IGSF5: variants seen among roughly 807,000 people sequenced by gnomAD.
IGSF5 encodes immunoglobulin superfamily member 5.
Under a neutral mutation model 39.4 loss-of-function variants are expected in IGSF5, and 41 were observed. The ratio of observed to expected loss-of-function variants is 1.04; its 90% confidence interval spans 0.81 to 1.35. The LOEUF (loss-of-function observed/expected upper bound fraction) is 1.35, where lower values mean the gene tolerates loss of function less well. Among genes scored for constraint, IGSF5 ranks in the 40% most tolerant of loss-of-function variants. IGSF5 has a pLI of 0.00. For missense variants in IGSF5, 487 were observed against 494.6 expected (o/e 0.98, Z 0.15); for synonymous variants, 183 against 175.3 (o/e 1.04, Z -0.34).
In IGSF5 at chr21:39,745,352, G is replaced by C; in HGVS notation, c.-158G>C. 5.3e-6 allele frequency: 3 copies of C among 565,276 alleles called. No homozygotes were observed. Among genetic ancestry groups the C allele is most frequent in the Non-Finnish European group, 9.5e-6 (3 of 314,348 alleles). 35.0% of individuals were successfully genotyped at this position (565,276 alleles called of 1,614,324 possible). On this transcript the variant is annotated 5_prime_UTR_variant, in exon 1 of 9. Coordinates refer to ENST00000380588, the MANE Select transcript of IGSF5 (RefSeq NM_001080444.2). ...CCTAGGTGCCTGAGGACGCAGCGTA[G>C]GGCTTCCTTAGATCCCTTTGGAGAT...
At chr21:39,740,350 G>A (rs185097313), upstream of IGSF5, among the ~76,000 whole-genome samples, 173 of 152,166 alleles carry the variant, frequency 1.1e-3, 4 homozygotes, top group East Asian at 0.03. Context: ...GTTTCTGTAC[G>A]GCCAATAATA....
At chr21:39,728,041 A>G in the IGSF5 span, 1 of 152,132 alleles carries the variant, frequency 6.6e-6, no homozygotes, top group Admixed American at 6.5e-5. Flanking sequence ...ACTGTTCTAG[A>G]GCCTTCTGTG....
intron 2 of IGSF5, among the ~76,000 whole-genome samples, chr21:39,751,013 C>A (rs143291498): frequency 6.6e-6 from 1 of 152,332 alleles, no homozygotes; most frequent in Non-Finnish European, 1.5e-5. Flanking sequence ...CCTCTGCGTT[C>A]CCAGCCCGGG....
the IGSF5 span, among the ~76,000 whole-genome samples, chr21:39,724,685 G>A: frequency 6.6e-6 from 1 of 152,210 alleles, no homozygotes; most frequent in African/African-American, 2.4e-5. Flanking sequence ...TCTTGTGTAT[G>A]TCTTTTATCA....
At chr21:39,766,242 T>C (rs2080087117) in intron 3 of IGSF5, among the ~76,000 whole-genome samples, 1 of 152,220 alleles carries the variant, frequency 6.6e-6, no homozygotes, top group African/African-American at 2.4e-5. Flanking sequence ...CTTTCCTTTT[T>C]TCTGGTTAAG....
At chr21:39,732,796 C>G in the IGSF5 span, among the ~76,000 whole-genome samples, 1 of 152,098 alleles carries the variant, frequency 6.6e-6, no homozygotes, top group Non-Finnish European at 1.5e-5. Flanking sequence ...GAGGCTGAAG[C>G]AGGTGGATTG....
chr21:39,782,545 C>A (rs561531158), intron 5 of IGSF5, among the ~76,000 whole-genome samples: 1 of 152,114 alleles, frequency 6.6e-6, no homozygotes, highest in Non-Finnish European at 1.5e-5. Flanking sequence ...CTGGCAACCA[C>A]GATTCTACTT....
At position 39,773,580 on chromosome 21, in the gene IGSF5, G is replaced by C. The variant is rs368840247; in HGVS notation, c.718+2365G>C. On this transcript the variant is annotated intron_variant, in intron 4 of 8. Coordinates refer to ENST00000380588, the MANE Select transcript of IGSF5 (RefSeq NM_001080444.2). ...TTGACACCCAGATTGCTCCAGACTT[G>C]GTCAGTTGGTGTCCCTCCAAGCTGG... is the stretch of plus-strand genomic sequence containing the variant. 1.3e-3 allele frequency among the ~76,000 whole-genome samples: 199 copies of C among 150,884 alleles called. 1 individual carries two copies. In the South Asian group the frequency reaches 0.017, roughly 13 times the overall value.
At chr21:39,769,489 A>G (rs57315646) in intron 3 of IGSF5, among the ~76,000 whole-genome samples, 5,526 of 150,352 alleles carry the variant, frequency 0.037, 350 homozygotes, top group African/African-American at 0.13. Flanking sequence ...AAAAAAAAAA[A>G]AAGAGAAAAG....
chr21:39,749,337 C>T lies in IGSF5; in HGVS notation c.100+3039C>T, dbSNP rs141226452. On this transcript the variant is annotated intron_variant, in intron 2 of 8. Transcript: ENST00000380588. ...AAGTGATTCTCCTGCCTCAGCCTCC[C>T]GAGTAGCTGGAATTACAGGTCCACA... Among the ~76,000 whole-genome samples, 621 of 152,026 alleles carry T rather than the reference C, an allele frequency of 4.1e-3. 6 individuals carry two copies. The highest frequency in any genetic ancestry group is 0.014 in the African/African-American group (592 of 41,446).
intron 4 of IGSF5, among the ~76,000 whole-genome samples, chr21:39,778,190 T>A (rs2080150518): frequency 6.6e-6 from 1 of 152,182 alleles, no homozygotes; most frequent in African/African-American, 2.4e-5. Flanking sequence ...TCCCATACTG[T>A]CCCTTTCTGT....
chr21:39,728,840 A>C, the IGSF5 span, among the ~76,000 whole-genome samples: 1 of 152,100 alleles, frequency 6.6e-6, no homozygotes, highest in Non-Finnish European at 1.5e-5. Flanking sequence ...GCACTTTACA[A>C]ACATATCAAG....
chr21:39,723,818 A>G, the IGSF5 span, among the ~76,000 whole-genome samples: 1 of 152,200 alleles, frequency 6.6e-6, no homozygotes, highest in Non-Finnish European at 1.5e-5. Context: ...TTAGCTGTTG[A>G]TTACATGAAA....
At chr21:39,758,222 G>A (rs2080042585) in intron 2 of IGSF5, among the ~76,000 whole-genome samples, 1 of 152,040 alleles carries the variant, frequency 6.6e-6, no homozygotes, top group Non-Finnish European at 1.5e-5. Context: ...ACACACAACT[G>A]CCAGAAGGGT....
chr21:39,749,305 TG>T (rs1322872544), intron 2 of IGSF5, among the ~76,000 whole-genome samples: 1 of 151,648 alleles, frequency 6.6e-6, no homozygotes, highest in Non-Finnish European at 1.5e-5. Context: ...CTCCGCCTCC[TG>T]GGCTCAAGTG....
chr21:39,773,117 C>G (rs1569253925), intron 4 of IGSF5, among the ~76,000 whole-genome samples: 1 of 152,100 alleles, frequency 6.6e-6, no homozygotes, highest in Non-Finnish European at 1.5e-5. Flanking sequence ...TCCTGCTTCT[C>G]TCCCTCCTCC....
At chr21:39,711,907 T>C in the IGSF5 span, among the ~76,000 whole-genome samples, 1 of 152,172 alleles carries the variant, frequency 6.6e-6, no homozygotes, top group African/African-American at 2.4e-5. Flanking sequence ...GCTGGTTGTA[T>C]GGCAAAAGAA....
chr21:39,727,632 C>T, the IGSF5 span: 2 of 152,256 alleles, frequency 1.3e-5, no homozygotes, highest in African/African-American at 2.4e-5. Context: ...GATGACACGT[C>T]CCAACCATGG....
chr21:39,766,264 C>G (rs2080087179), intron 3 of IGSF5, among the ~76,000 whole-genome samples: 1 of 152,148 alleles, frequency 6.6e-6, no homozygotes, highest in African/African-American at 2.4e-5. Flanking sequence ...CTGATAGAGA[C>G]AGATTTTATC....
Sources: gnomAD v4.1 joint callset for allele counts (sites outside exome capture counted in the v4.1 genomes callset) on GRCh38, gnomAD v4.1.1 for gene constraint, MANE v1.5 for transcripts, NCBI Gene and HGNC (gene_info 2026-07-23, HGNC 2026-07-21) for gene names.